The following GPR101 variants were observed in gnomAD, a reference collection of about 807,000 sequenced individuals.
The protein encoded by GPR101 is probable G protein-coupled receptor 101.
In GPR101, 8 loss-of-function variants were observed where a neutral mutation model predicts 16.4. That is an observed-to-expected ratio of 0.49 (90% CI 0.29 to 0.88). The LOEUF is 0.88. Among genes scored for constraint, GPR101 ranks in the 40% least tolerant of loss-of-function variants. GPR101 has a pLI of 0.09. For missense variants in GPR101, 375 were observed against 411.7 expected, an observed-to-expected ratio of 0.91 and a Z score of 0.77; for synonymous variants, 155 against 168.7, an observed-to-expected ratio of 0.92 and a Z score of 0.63.
At position 137,031,353 on chromosome X, in the gene GPR101, C is replaced by G; in HGVS notation, c.322G>C (p.Val108Leu). The G allele has an allele frequency of 8.3e-7, 1 of 1,199,236 alleles. No individual in the cohort carries two copies. Among genetic ancestry groups the G allele is most frequent in the Non-Finnish European group, 1.1e-6 (1 of 889,280 alleles). ...PLNSHFCTAL[V>L]SLTHLFAFAS... ...AAGGCGAACAGGTGGGTGAGGCTAA[C>G]CAGGGCCGTGCAGAAGTGGCTGTTG... The change falls in exon 2 of 2, where the codon GTT (valine) becomes CTT (leucine). Residue 108 changes from valine to leucine, a missense_variant. Transcript: ENST00000651716.
intron 1 of GPR101, among the ~76,000 whole-genome samples, chrX:137,032,429 T>A (rs963920897): frequency 1.2e-4 from 13 of 111,227 alleles, no homozygotes; most frequent in Non-Finnish European, 2.5e-4. Context: ...TCTGATCCAT[T>A]CTGTCTCTCT....
At position 137,025,243 on chromosome X, in the gene GPR101, C is replaced by CT. The variant is rs1325421124; in HGVS notation, c.*4904dup. Among the ~76,000 whole-genome samples, 2 of 112,382 alleles carry CT rather than the reference C, an allele frequency of 1.8e-5. No homozygotes were observed. Among genetic ancestry groups the CT allele is most frequent in the Admixed American group, 1.9e-4 (2 of 10,627 alleles). On this transcript the variant is annotated 3_prime_UTR_variant, in exon 2 of 2. Coordinates refer to ENST00000651716, the MANE Select transcript of GPR101 (RefSeq NM_054021.2). ...TACCATGTTCTACATCAGAAACTGA[C>CT]TAAGTTGTAGGTCACACATAGAATT...
chrX:137,031,923 G>A (rs1176382044), intron 1 of GPR101, among the ~76,000 whole-genome samples, 157 bp from the exon 2 acceptor site: 1 of 111,676 alleles, frequency 9.0e-6, no homozygotes, highest in African/African-American at 3.3e-5. Flanking sequence ...GGACTCTCCA[G>A]ATCTGTCTGC....
rs780412936 is a variant in GPR101 at position 137,032,661 on chromosome X, CCTT to C, written c.-92-898_-92-896del. Among the ~76,000 whole-genome samples the C allele has an allele frequency of 4.5e-5, 5 of 110,682 alleles. No homozygotes were observed. In the Admixed American group the frequency reaches 4.8e-4, roughly 11 times the overall value. ...TCTCCCTCGGGTTCTCTGGGTGTCT[CCTT>C]CTGTCTCTCACTGGCACGTGTGCGC... On this transcript the variant is annotated intron_variant, in intron 1 of 1. Coordinates refer to ENST00000651716, the MANE Select transcript of GPR101 (RefSeq NM_054021.2).
At chrX:137,031,810 A>G in intron 1 of GPR101, 44 bp from the exon 2 acceptor site, 4 of 539,111 alleles carry the variant, frequency 7.4e-6, no homozygotes, top group Non-Finnish European at 1.1e-5. Context: ...TCACCCGTCA[A>G]GGGGAGAAGC....
rs1927207098 is a variant in GPR101, at chrX:137,028,936, T to G, written c.*1212A>C. 8.9e-6 allele frequency among the ~76,000 whole-genome samples: 1 copy of G among 112,543 alleles called. No homozygotes were observed. Among genetic ancestry groups the G allele is most frequent in the African/African-American group, 3.2e-5 (1 of 30,994 alleles). On this transcript the variant is annotated 3_prime_UTR_variant, in exon 2 of 2. Transcript: ENST00000651716. The stretch of plus-strand genomic sequence containing the variant: ...AATCATCCTCTTTGTCATTTCTGAC[T>G]CTCTGATATTTCTCTTTCACATCTG...
Position 137,026,597 on chromosome X carries a change from A to C in GPR101, c.*3551T>G, listed in dbSNP as rs1927172133. Among the ~76,000 whole-genome samples the C allele has an allele frequency of 8.9e-6, 1 of 112,051 alleles. No individual in the cohort carries two copies. Among genetic ancestry groups the C allele is most frequent in the African/African-American group, 3.2e-5 (1 of 30,798 alleles). On this transcript the variant is annotated 3_prime_UTR_variant, in exon 2 of 2. Coordinates refer to ENST00000651716, the MANE Select transcript of GPR101 (RefSeq NM_054021.2). ...CATCTTATAATTCTGTAGGTGAAAC[A>C]TTTTTTAGTGTTCTATTTTTGCTGA...
chrX:137,030,766 G>A lies in GPR101; in HGVS notation c.909C>T (p.Ser303=), dbSNP rs1257576298. The change falls in exon 2 of 2, where the codon AGC becomes AGT. Residue 303 remains serine, a synonymous_variant. Coordinates refer to ENST00000651716, the MANE Select transcript of GPR101 (RefSeq NM_054021.2). ...CCGTGCTGCTCTCTCTGACCTCCTC[G>A]CTGCCCCTGGCCTCTACACTACTCT... is the stretch of plus-strand genomic sequence containing the variant. ...TSESSVEARG[S]EEVRESSTVA... The A allele has an allele frequency of 1.3e-5, 16 of 1,210,641 alleles. No individual in the cohort carries two copies. Among genetic ancestry groups the A allele is most frequent in the South Asian group, 1.8e-5 (1 of 56,900 alleles).
chrX:137,030,372 C>T lies in GPR101; in HGVS notation c.1303G>A (p.Val435Met). Reference protein sequence around the residue: ...VDVETQVPQWVITIIIWLFFL... With the variant: ...VDVETQVPQWMITIIIWLFFL... ...AAAAGCCAGATGATTATGGTGATCA[C>T]CCACTGGGGTACCTGGGTTTCGACA... The change falls in exon 2 of 2, where the codon GTG (valine) becomes ATG (methionine). Residue 435 changes from valine (V) to methionine (M), a missense_variant. Transcript: ENST00000651716. 8.3e-7 allele frequency: 1 copy of T among 1,209,603 alleles called. No homozygotes were observed. Among genetic ancestry groups the T allele is most frequent in the East Asian group, 3.0e-5 (1 of 33,841 alleles).
In GPR101 at chrX:137,025,015, T is replaced by A. The variant is rs1052414333; in HGVS notation, c.*5133A>T. ...AAAACAGGCACACCAGTGCCAAGTGTGTTGTGGAAAACTGTCAGCAAGGAC... is the reference window on the plus strand; with the variant it reads ...AAAACAGGCACACCAGTGCCAAGTGAGTTGTGGAAAACTGTCAGCAAGGAC... On this transcript the variant is annotated 3_prime_UTR_variant, in exon 2 of 2. Transcript: ENST00000651716. Among the ~76,000 whole-genome samples, 2 of 111,968 alleles carry A rather than the reference T, an allele frequency of 1.8e-5. No individual in the cohort carries two copies. Among genetic ancestry groups the A allele is most frequent in the African/African-American group, 6.5e-5 (2 of 30,753 alleles).
At position 137,031,025 on chromosome X, in the gene GPR101, C is replaced by T; in HGVS notation, c.650G>A (p.Cys217Tyr). 1.7e-6 allele frequency: 2 copies of T among 1,210,865 alleles called. No homozygotes were observed. Among genetic ancestry groups the T allele is most frequent in the East Asian group, 3.0e-5 (1 of 33,807 alleles). The part of the protein sequence containing the change: ...VMIACYSVVF[C>Y]AARRQHALLY... ...CAGAGCATGCTGCCTCCGGGCTGCA[C>T]AGAACACCACGGAGTAGCAGGCAAT... Residue 217 changes from cysteine to tyrosine, a missense_variant, in exon 2 of 2, where the codon TGT becomes TAT. By Grantham distance (194) the Cys-to-Tyr change is radical. Transcript: ENST00000651716.
At position 137,031,102 on chromosome X, in the gene GPR101, G is replaced by T; in HGVS notation, c.573C>A (p.Ser191Arg). The T allele has an allele frequency of 2.5e-6, 3 of 1,211,738 alleles. No individual in the cohort carries two copies. The highest frequency in any genetic ancestry group is 3.4e-6 in the Non-Finnish European group (3 of 895,230). Residue 191 changes from serine to arginine, a missense_variant, in exon 2 of 2, where the codon AGC (serine) becomes AGA (arginine). By Grantham distance (110) the Ser-to-Arg change is moderately radical (BLOSUM62 -1). Coordinates refer to ENST00000651716, the MANE Select transcript of GPR101 (RefSeq NM_054021.2). ...LCSMIWGASP[S>R]YTILSVVSFI... is the part of the protein sequence containing the mutation. ...AGGACACCACGCTGAGAATAGTGTA[G>T]CTGGGGCTGGCCCCCCAGATCATGG...
In GPR101 at chrX:137,031,112, G is replaced by T; in HGVS notation, c.563C>A (p.Ala188Asp). Residue 188 changes from alanine to aspartate, a missense_variant, in exon 2 of 2, where the codon GCC (alanine) becomes GAC (aspartate). Physicochemically the swap from Ala to Asp is moderately radical, Grantham distance 126 (BLOSUM62 -2). Coordinates refer to ENST00000651716, the MANE Select transcript of GPR101 (RefSeq NM_054021.2). ...GCTGAGAATAGTGTAGCTGGGGCTGGCCCCCCAGATCATGGAGCAGAGAGC... is the reference window on the plus strand; with the variant it reads ...GCTGAGAATAGTGTAGCTGGGGCTGTCCCCCCAGATCATGGAGCAGAGAGC... ...RNALCSMIWGASPSYTILSVV... is the reference protein window; with the variant it reads ...RNALCSMIWGDSPSYTILSVV... 1 of 1,211,491 alleles carries T rather than the reference G, an allele frequency of 8.3e-7. No homozygotes were observed. Among genetic ancestry groups the T allele is most frequent in the Non-Finnish European group, 1.1e-6 (1 of 895,149 alleles).
In GPR101 at chrX:137,030,816, T is replaced by C; in HGVS notation, c.859A>G (p.Lys287Glu). Reference protein sequence around the residue: ...MEAKDGSLKAKEGSTGTSESS... With the variant: ...MEAKDGSLKAEEGSTGTSESS... ...TCACTGGTCCCCGTGCTTCCTTCCT[T>C]GGCCTTCAGGCTGCCGTCCTTGGCT... The change falls in exon 2 of 2, where the codon AAG (lysine) becomes GAG (glutamate). Residue 287 changes from lysine to glutamate, a missense_variant. Coordinates refer to ENST00000651716, the MANE Select transcript of GPR101 (RefSeq NM_054021.2). 8.3e-7 allele frequency: 1 copy of C among 1,211,729 alleles called. No homozygotes were observed. The highest frequency in any genetic ancestry group is 1.1e-6 in the Non-Finnish European group (1 of 895,515).
At position 137,030,370 on chromosome X, in the gene GPR101, C is replaced by A; in HGVS notation, c.1305G>T (p.Val435=). Residue 435 remains valine (V), a synonymous_variant, in exon 2 of 2, where the codon GTG becomes GTT. Transcript: ENST00000651716. Reference sequence around the variant, plus strand: ...AGAAAAGCCAGATGATTATGGTGATCACCCACTGGGGTACCTGGGTTTCGA... The same window carrying A: ...AGAAAAGCCAGATGATTATGGTGATAACCCACTGGGGTACCTGGGTTTCGA... ...VDVETQVPQW[V]ITIIIWLFFL... 2.5e-6 allele frequency: 3 copies of A among 1,209,364 alleles called. No individual in the cohort carries two copies. The highest frequency in any genetic ancestry group is 2.2e-6 in the Non-Finnish European group (2 of 894,275).
At chrX:137,031,819 G>A in intron 1 of GPR101, 53 bp from the exon 2 acceptor site, 1 of 507,239 alleles carries the variant, frequency 2.0e-6, no homozygotes, top group Non-Finnish European at 3.1e-6. Flanking sequence ...AAGGGGAGAA[G>A]CCTCCGCGCC....
chrX:137,030,226 G>T lies in GPR101; in HGVS notation c.1449C>A (p.Ser483Arg), dbSNP rs759197265. ...FCKEKPPKEDSHPDLPGTEGG... is the reference protein window; with the variant it reads ...FCKEKPPKEDRHPDLPGTEGG... ...CCTCTGTTCCGGGCAGGTCTGGGTG[G>T]CTATCTTCTTTCGGGGGCTTTTCCT... The change falls in exon 2 of 2, where the codon AGC becomes AGA. Residue 483 changes from serine (S) to arginine (R), a missense_variant. Physicochemically the swap from Ser to Arg is moderately radical, Grantham distance 110. Coordinates refer to ENST00000651716, the MANE Select transcript of GPR101 (RefSeq NM_054021.2). The T allele has an allele frequency of 8.3e-7, 1 of 1,208,831 alleles. No homozygotes were observed. Among genetic ancestry groups the T allele is most frequent in the Non-Finnish European group, 1.1e-6 (1 of 894,592 alleles).
rs1410547136 is a variant in GPR101 at position 137,024,889 on chromosome X, G to T, written c.*5259C>A. Among the ~76,000 whole-genome samples the T allele has an allele frequency of 8.9e-6, 1 of 111,936 alleles. No homozygotes were observed. Among genetic ancestry groups the T allele is most frequent in the Non-Finnish European group, 1.9e-5 (1 of 53,191 alleles). ...GTCTTCAGGGTGCAGTATTCTTTTC[G>T]TCCTGCTAACTGGACTCTACTTGCC... is the stretch of plus-strand genomic sequence containing the variant. On this transcript the variant is annotated 3_prime_UTR_variant, in exon 2 of 2. Coordinates refer to ENST00000651716, the MANE Select transcript of GPR101 (RefSeq NM_054021.2).
In GPR101 at chrX:137,029,992, T is replaced by C. The variant is rs896383814; in HGVS notation, c.*156A>G. On this transcript the variant is annotated 3_prime_UTR_variant, in exon 2 of 2. Coordinates refer to ENST00000651716, the MANE Select transcript of GPR101 (RefSeq NM_054021.2). ...GAAAGACCCCAGTTCCTGCCTCTTCTATATATTTATCTACCTTGTGGTGAA... is the reference window on the plus strand; with the variant it reads ...GAAAGACCCCAGTTCCTGCCTCTTCCATATATTTATCTACCTTGTGGTGAA... Among the ~76,000 whole-genome samples, 1 of 112,337 alleles carries C rather than the reference T, an allele frequency of 8.9e-6. No homozygotes were observed. Among genetic ancestry groups the C allele is most frequent in the Non-Finnish European group, 1.9e-5 (1 of 53,291 alleles).
Sources: allele counts gnomAD v4.1 joint callset (sites outside exome capture counted in the v4.1 genomes callset), GRCh38; gene constraint gnomAD v4.1.1; transcripts MANE v1.5; gene names NCBI Gene and HGNC (gene_info 2026-07-23, HGNC 2026-07-21).